Variants in OR52E5 observed in about 807,000 individuals in gnomAD.
The protein encoded by OR52E5 is olfactory receptor family 52 subfamily E member 5, also known as olfactory receptor 52E5.
chr11:5,897,885 CAG>C (rs1303071922), intron 2 of OR52E5, among the ~76,000 whole-genome samples: 2 of 151,992 alleles, frequency 1.3e-5, no homozygotes, highest in African/African-American at 2.4e-5. Flanking sequence ...ATTTTTGAGC[CAG>C]AGTCTCATTC....
intron 2 of OR52E5, among the ~76,000 whole-genome samples, chr11:5,898,130 A>G (rs1847200895): frequency 6.6e-6 from 1 of 151,988 alleles, no homozygotes; most frequent in African/African-American, 2.4e-5. Context: ...AAATGCTAGG[A>G]TTACAGGCAT....
At position 5,902,217 on chromosome 11, in the gene OR52E5, T is replaced by C. The variant is rs1847265313; in HGVS notation, c.*457T>C. 6.5e-6 allele frequency: 1 copy of C among 153,538 alleles called. No individual in the cohort carries two copies. The highest frequency in any genetic ancestry group is 2.4e-5 in the African/African-American group (1 of 41,510). The allele number at this position is 153,538 out of a possible 1,614,324, so 9.5% of individuals were successfully genotyped here. Reference sequence around the variant, plus strand: ...AAAATTTTGACCTGAGCATTTCACTTAGACTCTTTGAGTTCACAATAACAA... The same window carrying C: ...AAAATTTTGACCTGAGCATTTCACTCAGACTCTTTGAGTTCACAATAACAA... On this transcript the variant is annotated 3_prime_UTR_variant, in exon 3 of 3. Transcript: ENST00000610445.
Position 5,901,200 on chromosome 11 carries a change from G to T in OR52E5, c.424G>T (p.Val142Leu). 2.5e-6 allele frequency: 1 copy of T among 401,430 alleles called. No individual in the cohort carries two copies. Among genetic ancestry groups the T allele is most frequent in the Admixed American group, 4.4e-5 (1 of 22,732 alleles). 24.9% of individuals were successfully genotyped at this position (401,430 alleles called of 1,614,324 possible). ...ATATAGCATGATCCTTACCAACAAGGTAATAGCCATTCTGGGCATAGTCAT... is the reference window on the plus strand; with the variant it reads ...ATATAGCATGATCCTTACCAACAAGTTAATAGCCATTCTGGGCATAGTCAT... The part of the protein sequence containing the change: ...LRYSMILTNK[V>L]IAILGIVIIV... The change falls in exon 3 of 3, where the codon GTA becomes TTA. Residue 142 changes from valine (V) to leucine (L), a missense_variant. Val to Leu is a conservative substitution (Grantham distance 32, BLOSUM62 1). Transcript: ENST00000610445.
chr11:5,895,551 T>C (rs1223707412), intron 1 of OR52E5, 81 bp from the exon 2 acceptor site: 4 of 152,226 alleles, frequency 2.6e-5, no homozygotes, highest in Non-Finnish European at 5.9e-5. Flanking sequence ...TATTGTGATA[T>C]ATAACCTCTA....
chr11:5,901,991 G>C lies in OR52E5; in HGVS notation c.*231G>C. On this transcript the variant is annotated 3_prime_UTR_variant, in exon 3 of 3. Coordinates refer to ENST00000610445, the MANE Select transcript of OR52E5 (RefSeq NM_001005166.5). ...TACAAAATGCCTAAAGAGAAACAAA[G>C]GCTTTGTAAAAGTTATTGCCCAGTA... The C allele has an allele frequency of 2.9e-6, 1 of 349,954 alleles. No homozygotes were observed. The allele number at this position is 349,954 out of a possible 1,614,324, so 21.7% of individuals were successfully genotyped here.
chr11:5,897,198 T>G (rs1735881110), intron 2 of OR52E5, among the ~76,000 whole-genome samples: 1 of 152,192 alleles, frequency 6.6e-6, no homozygotes, highest in Admixed American at 6.5e-5. Flanking sequence ...TATTGCATAA[T>G]GCTGGGGCAT....
intron 2 of OR52E5, among the ~76,000 whole-genome samples, chr11:5,899,841 T>TA (rs1310173224): frequency 2.6e-5 from 4 of 152,144 alleles, no homozygotes; most frequent in Admixed American, 2.6e-4. Flanking sequence ...ATTGTGACGG[T>TA]AAACTAGCCT....
At position 5,901,514 on chromosome 11, in the gene OR52E5, T is replaced by G. The variant is rs1847253632; in HGVS notation, c.738T>G (p.Val246=). 2.5e-6 allele frequency: 1 copy of G among 401,888 alleles called. No individual in the cohort carries two copies. The highest frequency in any genetic ancestry group is 3.6e-5 in the East Asian group (1 of 28,068). The allele number at this position is 401,888 out of a possible 1,614,324, so 24.9% of individuals were successfully genotyped here. A position where few individuals can be genotyped will look rare whatever the true frequency, so the allele number is the denominator to read the frequency against. ...ALSTCGSHVC[V]MLAFYLPALF... is the part of the protein sequence containing the mutation. ...GCACATGTGGCTCTCACGTCTGTGT[T>G]ATGTTGGCTTTCTACCTGCCAGCCC... The change falls in exon 3 of 3, where the codon GTT becomes GTG. Residue 246 remains valine, a synonymous_variant. Transcript: ENST00000610445.
rs184744594 is a variant in OR52E5 at position 5,900,216 on chromosome 11, A to T, written c.-145-416A>T. Among the ~76,000 whole-genome samples the T allele has an allele frequency of 2.5e-3, 378 of 152,250 alleles. 1 individual carries two copies. Among genetic ancestry groups the T allele is most frequent in the Non-Finnish European group, 4.1e-3 (276 of 68,018 alleles). ...TTACCCTATGTATCTAAATTTAAAA[A>T]TTTTATTTATTATCTCAAATCCAAA... is the stretch of plus-strand genomic sequence containing the variant. On this transcript the variant is annotated intron_variant, in intron 2 of 2. Coordinates refer to ENST00000610445, the MANE Select transcript of OR52E5 (RefSeq NM_001005166.5).
At chr11:5,900,543 G>T in intron 2 of OR52E5, 89 bp from the exon 3 acceptor site, 1 of 357,228 alleles carries the variant, frequency 2.8e-6, no homozygotes, top group Non-Finnish European at 5.0e-6. Flanking sequence ...CTATATTTTG[G>T]AAACTTTCTG....
intron 2 of OR52E5, among the ~76,000 whole-genome samples, chr11:5,896,246 TAAAAAAAAAAAAA>T (rs56197568): frequency 3.7e-5 from 2 of 53,554 alleles, no homozygotes; most frequent in East Asian, 1.3e-3. Context: ...TCGTCTCTAC[TAAAAAAAAAAAAA>T]AAAAAAAAAA....
intron 2 of OR52E5, among the ~76,000 whole-genome samples, chr11:5,898,446 A>G (rs1847205158): frequency 6.6e-6 from 1 of 152,034 alleles, no homozygotes; most frequent in Non-Finnish European, 1.5e-5. Flanking sequence ...GTGTAAGTAA[A>G]TCCCATTTGT....
chr11:5,896,442 GAGA>G (rs1292376280), intron 2 of OR52E5, among the ~76,000 whole-genome samples: 8 of 148,970 alleles, frequency 5.4e-5, no homozygotes, highest in South Asian at 2.1e-4. Flanking sequence ...AAAAAAATCA[GAGA>G]AGAAGAAAAA....
At chr11:5,896,608 T>A (rs1438841459) in intron 2 of OR52E5, among the ~76,000 whole-genome samples, 1 of 152,138 alleles carries the variant, frequency 6.6e-6, no homozygotes, top group Non-Finnish European at 1.5e-5. Flanking sequence ...GAAATATTTC[T>A]CCTTCTCCCT....
rs757974898 is a variant in OR52E5 at position 5,900,806 on chromosome 11, C to G, written c.30C>G (p.His10Gln). 2.5e-6 allele frequency: 1 copy of G among 401,204 alleles called. No individual in the cohort carries two copies. The highest frequency in any genetic ancestry group is 4.4e-6 in the Non-Finnish European group (1 of 226,272). 24.9% of individuals were successfully genotyped at this position (401,204 alleles called of 1,614,324 possible). ...TTCATACCAACAATACACAGTTTCA[C>G]CCTTCCACCTTCCTCGTAGTGGGGG... MLHTNNTQF[H>Q]PSTFLVVGVP... Residue 10 changes from histidine (H) to glutamine (Q), a missense_variant, in exon 3 of 3, where the codon CAC becomes CAG. Physicochemically the swap from His to Gln is conservative, Grantham distance 24 (BLOSUM62 0). Coordinates refer to ENST00000610445, the MANE Select transcript of OR52E5 (RefSeq NM_001005166.5).
intron 2 of OR52E5, among the ~76,000 whole-genome samples, chr11:5,897,029 G>C (rs562837761): frequency 1.3e-5 from 2 of 152,168 alleles, no homozygotes; most frequent in Non-Finnish European, 2.9e-5. Context: ...CTGACAGATC[G>C]GATGCTGGGG....
At position 5,893,249 on chromosome 11, in the gene OR52E5, A is replaced by G. The variant is rs1045971422; in HGVS notation, c.-249A>G. On this transcript the variant is annotated 5_prime_UTR_variant, in exon 1 of 3. Transcript: ENST00000610445. The stretch of plus-strand genomic sequence containing the variant: ...TGGGGTATCCGGTCCTTCACAGACA[A>G]TTTCTCAGATGCGGGGCAGAGGTAG... The G allele has an allele frequency of 6.6e-6, 1 of 152,238 alleles. No individual in the cohort carries two copies. Among genetic ancestry groups the G allele is most frequent in the Non-Finnish European group, 1.5e-5 (1 of 68,148 alleles). The allele number at this position is 152,238 out of a possible 1,614,324, so 9.4% of individuals were successfully genotyped here.
rs1013206035 is a variant in OR52E5 at position 5,901,578 on chromosome 11, C to A, written c.802C>A (p.Pro268Thr). The change falls in exon 3 of 3, where the codon CCT becomes ACT. Residue 268 changes from proline (P) to threonine (T), a missense_variant. Coordinates refer to ENST00000610445, the MANE Select transcript of OR52E5 (RefSeq NM_001005166.5). ...FMTHRFGHNI[P>T]HYIHILLANL... ...GACACACCGCTTTGGCCACAACATC[C>A]CTCATTACATCCACATTCTTCTGGC... The A allele has an allele frequency of 3.2e-5, 13 of 401,646 alleles. No homozygotes were observed. Among genetic ancestry groups the A allele is most frequent in the Middle Eastern group, 6.2e-4 (2 of 3,246 alleles). The allele number at this position is 401,646 out of a possible 1,614,324, so 24.9% of individuals were successfully genotyped here.
Position 5,902,483 on chromosome 11 carries a change from C to T in OR52E5, c.*723C>T, listed in dbSNP as rs888984764. The T allele has an allele frequency of 6.6e-6, 1 of 151,908 alleles. No homozygotes were observed. Among genetic ancestry groups the T allele is most frequent in the African/African-American group, 2.4e-5 (1 of 41,362 alleles). 9.4% of individuals were successfully genotyped at this position (151,908 alleles called of 1,614,324 possible). A position where few individuals can be genotyped will look rare whatever the true frequency, so the allele number is the denominator to read the frequency against. On this transcript the variant is annotated 3_prime_UTR_variant, in exon 3 of 3. Transcript: ENST00000610445. Reference sequence around the variant, plus strand: ...GATCCAGATTATCCCAACGCATGGGCCTCTTCATGGACCTCTCAGCTCTTA... The same window carrying T: ...GATCCAGATTATCCCAACGCATGGGTCTCTTCATGGACCTCTCAGCTCTTA...
Sources: gnomAD v4.1 joint callset for allele counts (sites outside exome capture counted in the v4.1 genomes callset) on GRCh38, gnomAD v4.1.1 for gene constraint, MANE v1.5 for transcripts, NCBI Gene and HGNC (gene_info 2026-07-23, HGNC 2026-07-21) for gene names.